The following ELAVL2 variants were observed in gnomAD, a reference collection of about 807,000 sequenced individuals.
The protein encoded by ELAVL2 is ELAV like RNA binding protein 2, also known as ELAV-like protein 2.
A neutral mutation model predicts 34.6 loss-of-function variants in ELAVL2; 4 were observed. The observed-to-expected ratio is 0.12, with a 90% CI of 0.06 to 0.26. ELAVL2 has a LOEUF of 0.26. Among genes scored for constraint, ELAVL2 ranks in the 10% least tolerant of loss-of-function variants. ELAVL2 has a pLI of 1.00. For synonymous variants in ELAVL2, 193 were observed against 154.8 expected, an observed-to-expected ratio of 1.25 and a Z score of -1.83; for missense variants, 432 against 442.8, an observed-to-expected ratio of 0.98 and a Z score of 0.22.
chr9:23,723,242 T>TA (rs1485404822), intron 3 of ELAVL2, among the ~76,000 whole-genome samples: 1 of 152,034 alleles, frequency 6.6e-6, no homozygotes, highest in African/African-American at 2.4e-5. Context: ...TATGCAGCCA[T>TA]AAAAAATGAT....
intron 2 of ELAVL2, among the ~76,000 whole-genome samples, chr9:23,740,043 G>C (rs973323716): frequency 6.6e-6 from 1 of 151,974 alleles, no homozygotes; most frequent in East Asian, 1.9e-4. Flanking sequence ...AAAAATTCTC[G>C]TTAGAGATAA....
chr9:23,712,089 G>T (rs1057506340), intron 3 of ELAVL2, among the ~76,000 whole-genome samples: 5 of 152,068 alleles, frequency 3.3e-5, no homozygotes, highest in Admixed American at 6.6e-5. Flanking sequence ...GCTGTGGGGC[G>T]GGGGGAGTCT....
intron 1 of ELAVL2, among the ~76,000 whole-genome samples, chr9:23,823,958 G>A (rs1171265548): frequency 2.0e-5 from 3 of 152,142 alleles, no homozygotes; most frequent in Non-Finnish European, 4.4e-5. Flanking sequence ...ATAGGGGTGC[G>A]GAGAACGGCT....
the ELAVL2 span, among the ~76,000 whole-genome samples, chr9:23,836,030 A>G: frequency 1.3e-5 from 2 of 152,202 alleles, no homozygotes; most frequent in Admixed American, 6.6e-5. Context: ...AACACAGAAC[A>G]GCCAGTGCTG....
At chr9:23,800,239 T>C (rs1292881112) in intron 1 of ELAVL2, among the ~76,000 whole-genome samples, 2 of 152,184 alleles carry the variant, frequency 1.3e-5, no homozygotes, top group African/African-American at 2.4e-5. Context: ...GGAGTGACTT[T>C]GAATAGGGAC....
At chr9:23,735,481 G>C (rs902629469) in intron 2 of ELAVL2, 2 of 152,036 alleles carry the variant, frequency 1.3e-5, no homozygotes, top group East Asian at 3.9e-4. Flanking sequence ...GTTTCGCCAC[G>C]TTGGCCAGGC....
chr9:23,722,606 T>C (rs1266402645), intron 3 of ELAVL2, among the ~76,000 whole-genome samples: 1 of 152,112 alleles, frequency 6.6e-6, no homozygotes. Context: ...TTATTTAGAG[T>C]GGTATCTGAG....
chr9:23,774,493 G>A (rs561012425), intron 1 of ELAVL2, among the ~76,000 whole-genome samples: 32 of 152,206 alleles, frequency 2.1e-4, no homozygotes, highest in African/African-American at 6.7e-4. Flanking sequence ...GGTGACTAAG[G>A]AAGTTAAAAA....
intron 4 of ELAVL2, among the ~76,000 whole-genome samples, chr9:23,702,105 G>T (rs2037470337): frequency 6.6e-6 from 1 of 152,138 alleles, no homozygotes; most frequent in African/African-American, 2.4e-5. Flanking sequence ...AAGACATTTC[G>T]GTTGAAATTT....
intron 2 of ELAVL2, among the ~76,000 whole-genome samples, chr9:23,746,512 C>T (rs546092862): frequency 6.6e-6 from 1 of 152,050 alleles, no homozygotes; most frequent in African/African-American, 2.4e-5. Context: ...AAAACTACCC[C>T]CACCTCAGAA....
intron 1 of ELAVL2, among the ~76,000 whole-genome samples, chr9:23,803,805 T>C (rs1393834143): frequency 1.3e-5 from 2 of 152,298 alleles, no homozygotes; most frequent in South Asian, 4.1e-4. Flanking sequence ...CTACTACATC[T>C]ACCTGGTTTC....
chr9:23,812,891 G>T (rs1446995218), intron 1 of ELAVL2, among the ~76,000 whole-genome samples: 2 of 152,106 alleles, frequency 1.3e-5, no homozygotes, highest in African/African-American at 4.8e-5. Flanking sequence ...TGGCCTAGCT[G>T]AAGTGGCTGC....
intron 1 of ELAVL2, among the ~76,000 whole-genome samples, chr9:23,779,942 TTTC>T (rs1400681367): frequency 7.1e-6 from 1 of 140,022 alleles, no homozygotes; most frequent in African/African-American, 2.7e-5. Context: ...CTATTGGCTT[TTTC>T]TTTTTTTTCC....
Position 23,762,142 on chromosome 9 carries a change from A to C in ELAVL2, c.93T>G (p.Ser31=). ...INNNCSSPVD[S]GNTEDSKTNL... is the part of the protein sequence containing the mutation. ...TGGTCTTGCTGTCTTCTGTGTTCCC[A>C]GAGTCAACTGGTGACGAACAGTTGT... Residue 31 remains serine (S), a synonymous_variant, in exon 2 of 7, where the codon TCT becomes TCG. Coordinates refer to ENST00000397312, the MANE Select transcript of ELAVL2 (RefSeq NM_004432.5). 1 of 1,613,650 alleles carries C rather than the reference A, an allele frequency of 6.2e-7. No individual in the cohort carries two copies. Among genetic ancestry groups the C allele is most frequent in the South Asian group, 1.1e-5 (1 of 91,076 alleles).
the ELAVL2 span, among the ~76,000 whole-genome samples, chr9:23,848,624 G>A: frequency 3.3e-5 from 5 of 152,186 alleles, no homozygotes; most frequent in Admixed American, 6.5e-5. Flanking sequence ...ATATATGCCC[G>A]CTAAAATACA....
At chr9:23,825,505 T>G (rs1379646340) in intron 1 of ELAVL2, among the ~76,000 whole-genome samples, 1 of 152,110 alleles carries the variant, frequency 6.6e-6, no homozygotes, top group Non-Finnish European at 1.5e-5. Flanking sequence ...CGAAATGAAC[T>G]TCCGATCTCA....
intron 1 of ELAVL2, among the ~76,000 whole-genome samples, chr9:23,820,272 G>C (rs1451750093): frequency 6.6e-6 from 1 of 152,232 alleles, no homozygotes; most frequent in Non-Finnish European, 1.5e-5. Flanking sequence ...TTCGCCGTAA[G>C]TTTTGAGGCT....
intron 3 of ELAVL2, among the ~76,000 whole-genome samples, chr9:23,727,008 C>G (rs1175109476): frequency 6.6e-6 from 1 of 152,082 alleles, no homozygotes; most frequent in African/African-American, 2.4e-5. Flanking sequence ...CATGAGATTA[C>G]TCCCCCACCC....
chr9:23,802,503 C>A (rs2061688411), intron 1 of ELAVL2, among the ~76,000 whole-genome samples: 1 of 152,146 alleles, frequency 6.6e-6, no homozygotes, highest in Non-Finnish European at 1.5e-5. Flanking sequence ...AAATTTACCC[C>A]TCCCCTAGAA....
Sources: gnomAD v4.1 joint callset for allele counts (sites outside exome capture counted in the v4.1 genomes callset) on GRCh38, gnomAD v4.1.1 for gene constraint, MANE v1.5 for transcripts, NCBI Gene and HGNC (gene_info 2026-07-23, HGNC 2026-07-21) for gene names.